NELL2: variants seen among roughly 807,000 people sequenced by gnomAD.
The protein encoded by NELL2 is neural EGFL like 2.
A neutral mutation model predicts 109.6 loss-of-function variants in NELL2; 41 were observed. The observed-to-expected ratio is 0.37, with a 90% confidence interval of 0.29 to 0.49. The LOEUF is 0.49. NELL2 is among the 20% of genes least tolerant of loss of function. NELL2 has a pLI of 0.98. For synonymous variants in NELL2, 355 were observed against 344.7 expected, an observed-to-expected ratio of 1.03 and a Z score of -0.33; for missense variants, 900 against 1,008.3, an observed-to-expected ratio of 0.89 and a Z score of 1.45.
chr12:44,743,935 C>A (rs967015033), intron 9 of NELL2, among the ~76,000 whole-genome samples: 1 of 152,150 alleles, frequency 6.6e-6, no homozygotes, highest in African/African-American at 2.4e-5. Context: ...GAACTCAGCT[C>A]TGCACCAAGC....
chr12:44,920,376 G>T (rs1945859985), intron 1 of NELL2, among the ~76,000 whole-genome samples: 1 of 152,050 alleles, frequency 6.6e-6, no homozygotes, highest in African/African-American at 2.4e-5. Flanking sequence ...AAGCCTTTCA[G>T]TTCCTTGAAA....
chr12:44,532,782 T>G, intron 15 of NELL2, 61 bp from the exon 16 acceptor site: 2 of 1,517,682 alleles, frequency 1.3e-6, no homozygotes, highest in Non-Finnish European at 1.8e-6. Flanking sequence ...ACTAGAATAT[T>G]CTGCTACAAG....
intron 13 of NELL2, among the ~76,000 whole-genome samples, chr12:44,647,667 G>A (rs888625775): frequency 6.6e-6 from 1 of 152,102 alleles, no homozygotes; most frequent in African/African-American, 2.4e-5. Context: ...TTTCTAATGA[G>A]AAGACACAAA....
chr12:44,579,402 G>A (rs1295359952), intron 15 of NELL2, among the ~76,000 whole-genome samples: 1 of 152,134 alleles, frequency 6.6e-6, no homozygotes, highest in Non-Finnish European at 1.5e-5. Context: ...GTGCCAACAG[G>A]CATATAGATA....
At position 44,520,137 on chromosome 12, in the gene NELL2, G is replaced by A. The variant is rs535262871; in HGVS notation, c.2268C>T (p.Val756=). 8.1e-6 allele frequency: 13 copies of A among 1,614,142 alleles called. No homozygotes were observed. In the East Asian group the frequency reaches 2.7e-4, roughly 33 times the overall value. ...TGGTGTCAGCCTGGCAAGGGTCTGTGACACAGCGCGGGCAGCACTCATTCT... is the reference window on the plus strand; with the variant it reads ...TGGTGTCAGCCTGGCAAGGGTCTGTAACACAGCGCGGGCAGCACTCATTCT... ...LPENECCPRC[V]TDPCQADTIR... is the part of the protein sequence containing the mutation. Residue 756 remains valine (V), a synonymous_variant, in exon 19 of 20, where the codon GTC becomes GTT. Transcript: ENST00000429094.
At chr12:44,805,256 C>T (rs563633512) in intron 3 of NELL2, among the ~76,000 whole-genome samples, 34 of 151,774 alleles carry the variant, frequency 2.2e-4, no homozygotes, top group Non-Finnish European at 4.4e-4. Context: ...TAAACTGATT[C>T]TAGTTATTCC....
At chr12:44,865,082 T>A (rs570453451) in intron 2 of NELL2, among the ~76,000 whole-genome samples, 2 of 133,652 alleles carry the variant, frequency 1.5e-5, no homozygotes, top group East Asian at 2.1e-4. Context: ...TGAGATGATA[T>A]CTCATAGTGG....
chr12:44,643,159 T>C (rs1946923800), intron 13 of NELL2, among the ~76,000 whole-genome samples: 1 of 152,188 alleles, frequency 6.6e-6, no homozygotes, highest in African/African-American at 2.4e-5. Context: ...CTAATAACAC[T>C]ATAGAAGTGT....
At chr12:44,819,649 T>C (rs377296753) in intron 2 of NELL2, among the ~76,000 whole-genome samples, 6 of 152,200 alleles carry the variant, frequency 3.9e-5, no homozygotes, top group Admixed American at 3.3e-4. Flanking sequence ...CAGCTTAAAC[T>C]TGAAGCTCAT....
intron 3 of NELL2, among the ~76,000 whole-genome samples, chr12:44,813,207 A>G (rs868237974): frequency 6.6e-6 from 1 of 152,188 alleles, no homozygotes; most frequent in Non-Finnish European, 1.5e-5. Flanking sequence ...TCACTCTTGA[A>G]TACTGATGAT....
intron 3 of NELL2, among the ~76,000 whole-genome samples, chr12:44,797,297 C>T (rs189871224): frequency 1.4e-4 from 22 of 152,176 alleles, no homozygotes; most frequent in Middle Eastern, 3.4e-3. Flanking sequence ...CATGAGCCTT[C>T]CCTATTGCAT....
At chr12:44,599,177 GATA>G (rs1945097751) in intron 15 of NELL2, among the ~76,000 whole-genome samples, 1 of 152,154 alleles carries the variant, frequency 6.6e-6, no homozygotes, top group Admixed American at 6.5e-5. Context: ...CTTCAATGAA[GATA>G]ATAAGGTCAG....
intron 2 of NELL2, among the ~76,000 whole-genome samples, chr12:44,818,521 T>C (rs1376508043): frequency 6.6e-6 from 1 of 152,076 alleles, no homozygotes; most frequent in African/African-American, 2.4e-5. Flanking sequence ...GATAGAGCTC[T>C]TACAGCAAGA....
chr12:44,917,995 C>A (rs967050469), upstream of NELL2, among the ~76,000 whole-genome samples: 4 of 152,194 alleles, frequency 2.6e-5, no homozygotes, highest in Non-Finnish European at 5.9e-5. Flanking sequence ...TAAGCACCAA[C>A]CATTTTAGTT....
Position 44,522,177 on chromosome 12 carries a change from C to T in NELL2, c.1999-1G>A. ...TCCGTCGACACATAACGAATCCATT[C>T]TGTATGAAAAAGAAAAAAAGCAGTT... On this transcript the variant is annotated splice_acceptor_variant, in intron 17 of 19. Transcript: ENST00000429094. LOFTEE classifies it high-confidence loss of function. 6.2e-7 allele frequency: 1 copy of T among 1,612,354 alleles called. No homozygotes were observed. Among genetic ancestry groups the T allele is most frequent in the Non-Finnish European group, 8.5e-7 (1 of 1,179,440 alleles).
intron 13 of NELL2, among the ~76,000 whole-genome samples, chr12:44,662,217 G>A (rs113508836): frequency 2.6e-5 from 4 of 152,172 alleles, no homozygotes; most frequent in African/African-American, 7.2e-5. Flanking sequence ...TTCTGATTTA[G>A]GGTCATTATT....
At chr12:44,888,920 T>C (rs2658977) in intron 1 of NELL2, among the ~76,000 whole-genome samples, 20,542 of 151,810 alleles carry the variant, frequency 0.14, 1,517 homozygotes, top group East Asian at 0.22. Context: ...AAGAAAGGAG[T>C]TTGGAACTTA....
intron 12 of NELL2, among the ~76,000 whole-genome samples, chr12:44,681,718 T>C (rs1948513976): frequency 6.6e-6 from 1 of 152,208 alleles, no homozygotes; most frequent in South Asian, 2.1e-4. Flanking sequence ...ATTTCCAATT[T>C]CATCCATGTC....
intron 3 of NELL2, among the ~76,000 whole-genome samples, chr12:44,813,820 A>G (rs903392097): frequency 1.3e-5 from 2 of 152,238 alleles, no homozygotes; most frequent in African/African-American, 4.8e-5. Flanking sequence ...TTCAATTGAA[A>G]TAAATACATT....
Sources: gnomAD v4.1 joint callset for allele counts (sites outside exome capture counted in the v4.1 genomes callset) on GRCh38, gnomAD v4.1.1 for gene constraint, MANE v1.5 for transcripts, NCBI Gene and HGNC (gene_info 2026-07-23, HGNC 2026-07-21) for gene names.